The following MAPRE2 variants were observed in gnomAD, a reference collection of about 807,000 sequenced individuals.
MAPRE2 encodes microtubule associated protein RP/EB family member 2, also known as microtubule-associated protein RP/EB family member 2.
In MAPRE2, 13 loss-of-function variants were observed where a neutral mutation model predicts 43.2. That is an observed-to-expected ratio of 0.30 (90% CI 0.20 to 0.48). The LOEUF is 0.48. Among genes scored for constraint, MAPRE2 ranks in the 20% least tolerant of loss-of-function variants. The pLI is 0.99. For missense variants in MAPRE2, 161 were observed against 400.2 expected (o/e 0.40, Z 5.10); for synonymous variants, 135 against 148.8 (o/e 0.91, Z 0.68).
At chr18:34,999,403 G>C (rs1321859471) in intron 1 of MAPRE2, among the ~76,000 whole-genome samples, 2 of 152,082 alleles carry the variant, frequency 1.3e-5, no homozygotes, top group Admixed American at 1.3e-4. Context: ...AAAATAGAAA[G>C]GGCAATCTTA....
intron 2 of MAPRE2, among the ~76,000 whole-genome samples, chr18:35,095,955 T>C (rs1908396723): frequency 1.3e-5 from 2 of 152,170 alleles, no homozygotes; most frequent in South Asian, 2.1e-4. Context: ...GGACACCAGA[T>C]GCAGAGACTC....
In MAPRE2 at chr18:35,143,038, G is replaced by A. The variant is rs1369380633; in HGVS notation, c.*2669G>A. ...AAGTGATCGAAGCAGGGGGCAAAGAGAAAGCCCATATTTGTTCTAAGCAGA... is the reference window on the plus strand; with the variant it reads ...AAGTGATCGAAGCAGGGGGCAAAGAAAAAGCCCATATTTGTTCTAAGCAGA... On this transcript the variant is annotated 3_prime_UTR_variant, in exon 7 of 7. Coordinates refer to ENST00000300249, the MANE Select transcript of MAPRE2 (RefSeq NM_014268.4). 5 of 117,724 alleles carry A rather than the reference G, an allele frequency of 4.2e-5. No homozygotes were observed. Among genetic ancestry groups the A allele is most frequent in the Non-Finnish European group, 7.0e-5 (4 of 57,292 alleles). The allele number at this position is 117,724 out of a possible 1,614,324, so 7.3% of individuals were successfully genotyped here.
At chr18:35,080,994 C>T (rs974422661) in intron 2 of MAPRE2, among the ~76,000 whole-genome samples, 10 of 152,276 alleles carry the variant, frequency 6.6e-5, no homozygotes, top group Non-Finnish European at 1.3e-4. Context: ...AGTCCTGTTT[C>T]CTGCAGTTTC....
chr18:35,036,125 C>G (rs537598034), intron 2 of MAPRE2, among the ~76,000 whole-genome samples: 2 of 151,758 alleles, frequency 1.3e-5, no homozygotes, highest in Admixed American at 6.6e-5. Flanking sequence ...ATAAATGGTA[C>G]TATTATCTAC....
intron 1 of MAPRE2, among the ~76,000 whole-genome samples, chr18:34,987,669 G>C (rs984059317): frequency 1.3e-5 from 2 of 151,982 alleles, no homozygotes; most frequent in African/African-American, 2.4e-5. Context: ...TTGAGACAGG[G>C]TCTCTCTCTG....
intron 2 of MAPRE2, among the ~76,000 whole-genome samples, chr18:35,029,739 C>T (rs375924484): frequency 6.6e-6 from 1 of 152,166 alleles, no homozygotes; most frequent in African/African-American, 2.4e-5. Context: ...CTTTTAATCC[C>T]TTTTAGCTGT....
intron 1 of MAPRE2, among the ~76,000 whole-genome samples, chr18:35,000,582 T>G (rs2097028825): frequency 6.6e-6 from 1 of 152,148 alleles, no homozygotes; most frequent in Non-Finnish European, 1.5e-5. Context: ...ATTTGACATT[T>G]CTAGAGGATG....
Position 35,142,555 on chromosome 18 carries a change from CTT to C in MAPRE2, c.*2187_*2188del, listed in dbSNP as rs936877753. 9.2e-5 allele frequency: 14 copies of C among 152,420 alleles called. No individual in the cohort carries two copies. Among genetic ancestry groups the C allele is most frequent in the African/African-American group, 3.4e-4 (14 of 41,578 alleles). The allele number at this position is 152,420 out of a possible 1,614,324, so 9.4% of individuals were successfully genotyped here. A position where few individuals can be genotyped will look rare whatever the true frequency, so the allele number is the denominator to read the frequency against. ...AGTTATAAACATGCTGGCCAGATCTCTTAGCCTGCAAAGAGAACTTTCCCCAG... is the reference window on the plus strand; with the variant it reads ...AGTTATAAACATGCTGGCCAGATCTCAGCCTGCAAAGAGAACTTTCCCCAG... On this transcript the variant is annotated 3_prime_UTR_variant, in exon 7 of 7. Transcript: ENST00000300249.
chr18:35,104,852 C>T (rs1490140669), intron 4 of MAPRE2, among the ~76,000 whole-genome samples: 1 of 152,020 alleles, frequency 6.6e-6, no homozygotes, highest in Non-Finnish European at 1.5e-5. Flanking sequence ...CTAAGAAAAT[C>T]AAGGGTGTCT....
intron 1 of MAPRE2, among the ~76,000 whole-genome samples, chr18:35,068,613 A>C (rs1906953164): frequency 6.6e-6 from 1 of 152,206 alleles, no homozygotes; most frequent in Admixed American, 6.5e-5. Flanking sequence ...AATAGAGAAA[A>C]AGAGTTAGGC....
chr18:35,025,218 T>C (rs2097044392), intron 2 of MAPRE2, among the ~76,000 whole-genome samples: 1 of 152,200 alleles, frequency 6.6e-6, no homozygotes, highest in Non-Finnish European at 1.5e-5. Context: ...GGAGGCCACT[T>C]GTGGAATGAT....
chr18:35,060,638 AG>A (rs1906475455), intron 1 of MAPRE2, among the ~76,000 whole-genome samples: 2 of 152,220 alleles, frequency 1.3e-5, no homozygotes, highest in Admixed American at 6.5e-5. Flanking sequence ...AAGTCATTTC[AG>A]GGCTGTAGCT....
intron 2 of MAPRE2, among the ~76,000 whole-genome samples, chr18:35,090,763 AAAAAT>A (rs1908108627): frequency 6.6e-6 from 1 of 151,942 alleles, no homozygotes; most frequent in Non-Finnish European, 1.5e-5. Flanking sequence ...GAAAAAGAAA[AAAAAT>A]AGGAGGAAGT....
intron 2 of MAPRE2, among the ~76,000 whole-genome samples, chr18:35,077,993 A>G (rs1907452602): frequency 6.6e-6 from 1 of 152,220 alleles, no homozygotes; most frequent in Non-Finnish European, 1.5e-5. Flanking sequence ...TGTATTTACC[A>G]TGATACTTTT....
chr18:35,100,930 T>G (rs59397037), intron 3 of MAPRE2, among the ~76,000 whole-genome samples: 2 of 151,982 alleles, frequency 1.3e-5, no homozygotes, highest in Admixed American at 6.6e-5. Flanking sequence ...TCCCAGCTAC[T>G]CGGGAGGCTG....
At chr18:34,990,477 T>C (rs1219521105) in intron 1 of MAPRE2, among the ~76,000 whole-genome samples, 3 of 152,048 alleles carry the variant, frequency 2.0e-5, no homozygotes, top group Non-Finnish European at 4.4e-5. Flanking sequence ...CTCTGACAGG[T>C]GTTGGGATAT....
intron 2 of MAPRE2, among the ~76,000 whole-genome samples, chr18:35,010,474 G>T (rs2097034007): frequency 6.6e-6 from 1 of 152,112 alleles, no homozygotes. Flanking sequence ...AATAATTAGA[G>T]GTAACATAAT....
chr18:35,039,603 G>T (rs902717395), upstream of MAPRE2, among the ~76,000 whole-genome samples: 17 of 152,118 alleles, frequency 1.1e-4, no homozygotes, highest in Non-Finnish European at 2.2e-4. Flanking sequence ...AATAAGTAGG[G>T]CCCCTTGTTT....
chr18:34,998,371 G>A (rs534246087), intron 1 of MAPRE2, among the ~76,000 whole-genome samples: 2 of 145,078 alleles, frequency 1.4e-5, no homozygotes, highest in East Asian at 4.0e-4. Context: ...CTGTTGCCCA[G>A]GCTGGAGTGC....
Sources: allele counts gnomAD v4.1 joint callset (sites outside exome capture counted in the v4.1 genomes callset), GRCh38; gene constraint gnomAD v4.1.1; transcripts MANE v1.5; gene names NCBI Gene and HGNC (gene_info 2026-07-23, HGNC 2026-07-21).